DCAF6: variants seen among roughly 807,000 people sequenced by gnomAD.
The protein encoded by DCAF6 is DDB1 and CUL4 associated factor 6, also known as DDB1- and CUL4-associated factor 6.
DCAF6 carries 54 observed loss-of-function variants against 125.1 expected under a neutral mutation model. The observed-to-expected ratio is 0.43, with a 90% CI of 0.35 to 0.54. The LOEUF (loss-of-function observed/expected upper bound fraction) is 0.54, where lower values mean the gene tolerates loss of function less well. DCAF6 is among the 20% of genes least tolerant of loss of function. The pLI is 0.01. For missense variants in DCAF6, 934 were observed against 1,161.7 expected (o/e 0.80, Z 2.85); for synonymous variants, 371 against 390.4 (o/e 0.95, Z 0.58).
intron 10 of DCAF6, among the ~76,000 whole-genome samples, chr1:168,013,502 A>G (rs1684564945): frequency 6.6e-6 from 1 of 152,144 alleles, no homozygotes; most frequent in Admixed American, 6.5e-5. Flanking sequence ...CACTATTGAC[A>G]TCTCTGTGCA....
the DCAF6 span, among the ~76,000 whole-genome samples, chr1:167,910,563 G>A: frequency 6.6e-6 from 1 of 152,182 alleles, no homozygotes; most frequent in Non-Finnish European, 1.5e-5. Flanking sequence ...TCTCCTTGAG[G>A]TAGAAATTTG....
chr1:168,046,011 A>T (rs183035046), intron 16 of DCAF6, among the ~76,000 whole-genome samples: 516 of 152,210 alleles, frequency 3.4e-3, no homozygotes, highest in Middle Eastern at 0.01. Context: ...CACATTTTAT[A>T]TGCTCAATAT....
chr1:167,915,656 A>G, the DCAF6 span, among the ~76,000 whole-genome samples: 1 of 152,156 alleles, frequency 6.6e-6, no homozygotes, highest in African/African-American at 2.4e-5. Flanking sequence ...TCACCATGTT[A>G]GTCAGTCTTG....
chr1:168,030,565 C>G (rs1360378949), intron 12 of DCAF6, among the ~76,000 whole-genome samples: 2 of 152,100 alleles, frequency 1.3e-5, no homozygotes, highest in Admixed American at 6.5e-5. Context: ...AGATTTTGAT[C>G]TGGTGATAAA....
At chr1:167,877,150 G>A in the DCAF6 span, among the ~76,000 whole-genome samples, 2 of 151,368 alleles carry the variant, frequency 1.3e-5, no homozygotes, top group African/African-American at 4.9e-5. Context: ...TGACTCCATT[G>A]CTCACTATAG....
At chr1:167,968,060 C>G (rs1200162081) in intron 3 of DCAF6, among the ~76,000 whole-genome samples, 2 of 152,068 alleles carry the variant, frequency 1.3e-5, no homozygotes, top group African/African-American at 4.8e-5. Flanking sequence ...AGTCTTTTAA[C>G]ATCTATTATT....
At chr1:167,959,778 A>C (rs1675296244) in intron 2 of DCAF6, among the ~76,000 whole-genome samples, 1 of 152,098 alleles carries the variant, frequency 6.6e-6, no homozygotes, top group Admixed American at 6.5e-5. Flanking sequence ...ACTTTATCAG[A>C]TGTGTCTTTT....
intron 10 of DCAF6, among the ~76,000 whole-genome samples, chr1:168,012,199 A>G (rs1338526879): frequency 6.6e-6 from 1 of 152,198 alleles, no homozygotes; most frequent in African/African-American, 2.4e-5. Context: ...TATAAAAATG[A>G]TCCAGAGTCC....
At chr1:167,893,603 G>A in the DCAF6 span, among the ~76,000 whole-genome samples, 2 of 149,918 alleles carry the variant, frequency 1.3e-5, no homozygotes, top group East Asian at 4.0e-4. Flanking sequence ...GGCTGAGGCA[G>A]GAGAATTGCT....
intron 2 of DCAF6, among the ~76,000 whole-genome samples, chr1:167,956,529 C>G (rs1263322040): frequency 1.3e-5 from 2 of 151,958 alleles, no homozygotes; most frequent in South Asian, 2.1e-4. Context: ...CATTAATTGT[C>G]TCCGTTGTTT....
chr1:167,991,329 A>G lies in DCAF6; in HGVS notation c.678A>G (p.Thr226=), dbSNP rs1357465650. ...TATATGATCGGCGAATGCTGGGCAC[A>G]AGAGCTACAGGTAAGAAGATAATAT... is the stretch of plus-strand genomic sequence containing the variant. The part of the protein sequence containing the change: ...VRIYDRRMLG[T]RATGNYAGRG... The change falls in exon 6 of 22, where the codon ACA becomes ACG. Residue 226 remains threonine, a synonymous_variant. Coordinates refer to ENST00000367840, the MANE Select transcript of DCAF6 (RefSeq NM_001198956.2). 6.2e-7 allele frequency: 1 copy of G among 1,611,532 alleles called. No individual in the cohort carries two copies.
At chr1:167,973,071 G>A (rs971616371) in intron 3 of DCAF6, among the ~76,000 whole-genome samples, 1 of 152,224 alleles carries the variant, frequency 6.6e-6, no homozygotes, top group African/African-American at 2.4e-5. Flanking sequence ...GCTGTATGTA[G>A]TGTGTAGTTA....
intron 10 of DCAF6, among the ~76,000 whole-genome samples, chr1:168,014,649 C>T (rs1684721059): frequency 6.6e-6 from 1 of 152,142 alleles, no homozygotes; most frequent in African/African-American, 2.4e-5. Context: ...CTTGTTTTTC[C>T]CGTTACCTAG....
chr1:167,911,663 C>T, the DCAF6 span, among the ~76,000 whole-genome samples: 1 of 152,116 alleles, frequency 6.6e-6, no homozygotes, highest in Non-Finnish European at 1.5e-5. Context: ...AGTGTACTCT[C>T]GTGGCAAAAC....
chr1:167,906,938 G>A, the DCAF6 span, among the ~76,000 whole-genome samples: 12 of 152,266 alleles, frequency 7.9e-5, no homozygotes, highest in East Asian at 2.3e-3. Flanking sequence ...AGAGGAATAA[G>A]GATGAAGCTT....
At chr1:168,009,932 C>G (rs1186495519) in intron 10 of DCAF6, among the ~76,000 whole-genome samples, 1 of 150,772 alleles carries the variant, frequency 6.6e-6, no homozygotes, top group Non-Finnish European at 1.5e-5. Flanking sequence ...CAACAATATT[C>G]ACCCTCTAAA....
intron 12 of DCAF6, among the ~76,000 whole-genome samples, chr1:168,030,752 G>C (rs566873698): frequency 2.4e-4 from 37 of 152,266 alleles, no homozygotes; most frequent in Admixed American, 5.9e-4. Context: ...GTCTGCAGAG[G>C]CCAGGACTTG....
At chr1:167,880,022 G>A in the DCAF6 span, 1 of 1,058,828 alleles carries the variant, frequency 9.4e-7, no homozygotes, top group Non-Finnish European at 1.4e-6. Flanking sequence ...CAGGGCTCAT[G>A]TCTCACTCAT....
chr1:167,935,934 A>G, upstream of DCAF6: 1 of 971,548 alleles, frequency 1.0e-6, no homozygotes, highest in Middle Eastern at 3.1e-4. Flanking sequence ...TTTTCCTGCC[A>G]CGACGACTCG....
Sources: allele counts gnomAD v4.1 joint callset (sites outside exome capture counted in the v4.1 genomes callset), GRCh38; gene constraint gnomAD v4.1.1; transcripts MANE v1.5; gene names NCBI Gene and HGNC (gene_info 2026-07-23, HGNC 2026-07-21).